Variants in NCKAP5 observed in about 807,000 individuals in gnomAD.
The protein encoded by NCKAP5 is nck-associated protein 5.
Under a neutral mutation model 167.0 loss-of-function variants are expected in NCKAP5, and 92 were observed. The observed-to-expected ratio is 0.55, with a 90% confidence interval of 0.47 to 0.66. The LOEUF (loss-of-function observed/expected upper bound fraction) is 0.66, where lower values mean the gene tolerates loss of function less well. Among genes scored for constraint, NCKAP5 ranks in the 30% least tolerant of loss-of-function variants. NCKAP5 has a pLI of 0.00. For missense variants in NCKAP5, 2,378 were observed against 2,315.0 expected (o/e 1.03, Z -0.56); for synonymous variants, 891 against 877.4 (o/e 1.02, Z -0.27).
At chr2:133,257,275 A>G (rs929281011) in intron 4 of NCKAP5, among the ~76,000 whole-genome samples, 3 of 152,232 alleles carry the variant, frequency 2.0e-5, no homozygotes, top group South Asian at 2.1e-4. Context: ...GGATCCAGAT[A>G]CTTTATGAAA....
intron 3 of NCKAP5, among the ~76,000 whole-genome samples, chr2:133,335,152 G>T (rs764819542): frequency 2.0e-5 from 3 of 152,022 alleles, no homozygotes; most frequent in Non-Finnish European, 2.9e-5. Flanking sequence ...AAAATAACCT[G>T]CCCAACCCTT....
intron 3 of NCKAP5, among the ~76,000 whole-genome samples, chr2:133,412,054 A>G (rs990808950): frequency 3.9e-5 from 6 of 152,160 alleles, no homozygotes; most frequent in African/African-American, 1.4e-4. Context: ...CCTGATGGTC[A>G]CAGTAGTCAC....
At chr2:132,737,978 C>T (rs1432526249) in intron 16 of NCKAP5, among the ~76,000 whole-genome samples, 1 of 152,140 alleles carries the variant, frequency 6.6e-6, no homozygotes, top group Non-Finnish European at 1.5e-5. Flanking sequence ...CATAGTCAGC[C>T]CTCACTGATG....
At chr2:132,771,839 A>ATTTTTTTTTTTT (rs70973406) in intron 16 of NCKAP5, among the ~76,000 whole-genome samples, 336 of 100,750 alleles carry the variant, frequency 3.3e-3, no homozygotes, top group Middle Eastern at 5.7e-3. Context: ...CGCCCGGCTA[A>ATTTTTTTTTTTT]TTTTTTTTTT....
intron 3 of NCKAP5, among the ~76,000 whole-genome samples, chr2:133,327,289 T>C (rs1682519727): frequency 6.6e-6 from 1 of 152,212 alleles, no homozygotes; most frequent in Admixed American, 6.5e-5. Flanking sequence ...TCTTTTTCCC[T>C]TTTGTTCCTC....
intron 19 of NCKAP5, among the ~76,000 whole-genome samples, chr2:132,676,925 G>C (rs1684569602): frequency 6.6e-6 from 1 of 152,182 alleles, no homozygotes; most frequent in Admixed American, 6.5e-5. Context: ...TGGATTTAGA[G>C]CTAGGCAGTG....
chr2:132,771,734 A>G (rs1682073127), intron 16 of NCKAP5, among the ~76,000 whole-genome samples: 1 of 150,194 alleles, frequency 6.7e-6, no homozygotes, highest in Admixed American at 6.6e-5. Context: ...GTGCATTGGC[A>G]TGATCTCGGC....
intron 2 of NCKAP5, among the ~76,000 whole-genome samples, chr2:133,548,086 A>G (rs1301215408): frequency 2.0e-5 from 3 of 147,690 alleles, no homozygotes; most frequent in Non-Finnish European, 3.0e-5. Context: ...AGAATGCAGA[A>G]GCCTCAGGAG....
At chr2:133,038,108 T>C (rs185119899) in intron 6 of NCKAP5, among the ~76,000 whole-genome samples, 92 of 152,280 alleles carry the variant, frequency 6.0e-4, no homozygotes, top group Non-Finnish European at 2.1e-4. Context: ...CCAGCAATCT[T>C]ACTGGTTGGT....
the NCKAP5 span, among the ~76,000 whole-genome samples, chr2:133,630,117 T>C: frequency 6.6e-6 from 1 of 152,172 alleles, no homozygotes; most frequent in Non-Finnish European, 1.5e-5. Context: ...CTGCACATCC[T>C]GCACATGGAC....
At chr2:133,020,970 A>C (rs1439241530) in intron 6 of NCKAP5, among the ~76,000 whole-genome samples, 1 of 152,190 alleles carries the variant, frequency 6.6e-6, no homozygotes, top group Non-Finnish European at 1.5e-5. Flanking sequence ...GCAGTTACCT[A>C]CTTGTGGTAA....
chr2:133,572,904 T>C (rs1373521248), upstream of NCKAP5, among the ~76,000 whole-genome samples: 1 of 152,198 alleles, frequency 6.6e-6, no homozygotes, highest in Admixed American at 6.5e-5. Flanking sequence ...GCACTGGTTA[T>C]AACAAGAGAA....
intron 4 of NCKAP5, among the ~76,000 whole-genome samples, chr2:133,226,587 G>A (rs2086900287): frequency 1.5e-5 from 2 of 130,842 alleles, no homozygotes; most frequent in African/African-American, 2.8e-5. Context: ...CTTAAAAAAA[G>A]GGAAAATTTG....
intron 6 of NCKAP5, among the ~76,000 whole-genome samples, chr2:133,121,086 A>G (rs1290129585): frequency 3.9e-5 from 6 of 152,156 alleles, no homozygotes; most frequent in Non-Finnish European, 8.8e-5. Context: ...TATTAGGAGC[A>G]ATGTATGAAA....
chr2:132,902,742 T>C (rs1167863583), intron 8 of NCKAP5, among the ~76,000 whole-genome samples: 1 of 152,218 alleles, frequency 6.6e-6, no homozygotes, highest in African/African-American at 2.4e-5. Flanking sequence ...CTGGTGGACA[T>C]TGATGGGGAA....
At chr2:132,841,142 A>T (rs1001373864) in intron 11 of NCKAP5, among the ~76,000 whole-genome samples, 1 of 152,156 alleles carries the variant, frequency 6.6e-6, no homozygotes, top group Non-Finnish European at 1.5e-5. Context: ...GTTCAGTCTG[A>T]TATCTAGCAA....
chr2:133,447,177 C>T (rs986778267), intron 3 of NCKAP5, among the ~76,000 whole-genome samples: 35 of 152,060 alleles, frequency 2.3e-4, no homozygotes, highest in Non-Finnish European at 2.5e-4. Flanking sequence ...CTGCCCTTCC[C>T]GCAACCAAGC....
chr2:133,000,715 A>G lies in NCKAP5; in HGVS notation c.342-6476T>C, dbSNP rs571547993. ...TATGATGGATTTCTAAAATTTTTAA[A>G]TTTTTTAATTTTAAAAATTCAAAAC... On this transcript the variant is annotated intron_variant, in intron 6 of 19. Coordinates refer to ENST00000409261, the MANE Select transcript of NCKAP5 (RefSeq NM_207363.3). 3.3e-5 allele frequency among the ~76,000 whole-genome samples: 5 copies of G among 152,256 alleles called. No homozygotes were observed. In the South Asian group the frequency reaches 1.0e-3, roughly 32 times the overall value.
intron 5 of NCKAP5, among the ~76,000 whole-genome samples, chr2:133,205,906 T>C (rs896735388): frequency 2.0e-4 from 30 of 152,206 alleles, no homozygotes; most frequent in African/African-American, 7.2e-4. Flanking sequence ...GATTGATATG[T>C]AGGAATTCTA....
Sources: gnomAD v4.1 joint callset for allele counts (sites outside exome capture counted in the v4.1 genomes callset) on GRCh38, gnomAD v4.1.1 for gene constraint, MANE v1.5 for transcripts, NCBI Gene and HGNC (gene_info 2026-07-23, HGNC 2026-07-21) for gene names.